Variants in LRP1B observed in about 807,000 individuals in gnomAD.
LRP1B encodes LDL receptor related protein 1B, also known as low-density lipoprotein receptor-related protein 1B.
In LRP1B, 217 loss-of-function variants were observed where a neutral mutation model predicts 556.6. That is an observed-to-expected ratio of 0.39 (90% CI 0.35 to 0.44). The LOEUF is 0.44. LRP1B is among the 20% of genes least tolerant of loss of function. The probability of loss-of-function intolerance (pLI) is 1.00; values close to 1 mark genes in which losing one functional copy is unlikely to be tolerated. For missense variants in LRP1B, 5,053 were observed against 5,620.8 expected, an observed-to-expected ratio of 0.90 and a Z score of 3.23; for synonymous variants, 2,047 against 1,865.8, an observed-to-expected ratio of 1.10 and a Z score of -2.50.
In LRP1B at chr2:140,541,761, C is replaced by T. The variant is rs1409574153; in HGVS notation, c.7387+18G>A. ...ATTATACAATGAAAAAACACATTTG[C>T]TTTCTATTATAACTTACAGCTATTG... On this transcript the variant is annotated intron_variant, in intron 44 of 90. Coordinates refer to ENST00000389484, the MANE Select transcript of LRP1B (RefSeq NM_018557.3). The T allele has an allele frequency of 6.4e-7, 1 of 1,568,810 alleles. No homozygotes were observed. Among genetic ancestry groups the T allele is most frequent in the Non-Finnish European group, 8.7e-7 (1 of 1,146,962 alleles).
intron 3 of LRP1B, among the ~76,000 whole-genome samples, chr2:141,337,847 CTT>C (rs1687903213): frequency 6.6e-6 from 1 of 152,116 alleles, no homozygotes; most frequent in Non-Finnish European, 1.5e-5. Context: ...CATCTAAAGT[CTT>C]TGACAAATAA....
intron 2 of LRP1B, among the ~76,000 whole-genome samples, chr2:141,692,579 T>A (rs1353001473): frequency 1.3e-5 from 2 of 152,010 alleles, no homozygotes; most frequent in East Asian, 3.9e-4. Flanking sequence ...GCCCCTGTTC[T>A]TAACCTACCG....
intron 1 of LRP1B, among the ~76,000 whole-genome samples, chr2:142,057,391 A>G (rs532699940): frequency 6.6e-6 from 1 of 152,264 alleles, no homozygotes; most frequent in South Asian, 2.1e-4. Context: ...GGCAATGGAA[A>G]TGCAAACTCT....
intron 84 of LRP1B, among the ~76,000 whole-genome samples, chr2:140,293,529 A>G (rs901371347): frequency 3.0e-4 from 46 of 152,166 alleles, no homozygotes; most frequent in African/African-American, 1.1e-3. Context: ...ACTCAGCACA[A>G]CTAAGAGCTG....
chr2:141,478,321 G>A (rs965427630), intron 3 of LRP1B, among the ~76,000 whole-genome samples: 2 of 152,076 alleles, frequency 1.3e-5, no homozygotes, highest in Non-Finnish European at 2.9e-5. Context: ...GAAATATTTG[G>A]AAAGGTGATG....
chr2:141,738,515 T>C (rs1693577326), intron 2 of LRP1B, among the ~76,000 whole-genome samples: 1 of 152,152 alleles, frequency 6.6e-6, no homozygotes, highest in Non-Finnish European at 1.5e-5. Context: ...GTAGGATACA[T>C]TGGCCCCGTG....
intron 1 of LRP1B, among the ~76,000 whole-genome samples, chr2:142,038,240 G>A (rs1703952361): frequency 6.6e-6 from 1 of 151,508 alleles, no homozygotes; most frequent in Non-Finnish European, 1.5e-5. Flanking sequence ...TGTTGGCATC[G>A]GTTTTAAATG....
intron 66 of LRP1B, among the ~76,000 whole-genome samples, chr2:140,402,658 G>T (rs1313816163): frequency 6.6e-6 from 1 of 152,132 alleles, no homozygotes; most frequent in Non-Finnish European, 1.5e-5. Context: ...AGCTTAGGTG[G>T]TCCCCACCCT....
chr2:140,897,234 G>T (rs999991047), intron 23 of LRP1B, among the ~76,000 whole-genome samples: 1 of 152,078 alleles, frequency 6.6e-6, no homozygotes, highest in African/African-American at 2.4e-5. Flanking sequence ...TTTTGTTGGG[G>T]CTCAGAAAAC....
At chr2:141,155,663 T>A (rs1702048697) in intron 7 of LRP1B, among the ~76,000 whole-genome samples, 1 of 151,952 alleles carries the variant, frequency 6.6e-6, no homozygotes, top group African/African-American at 2.4e-5. Flanking sequence ...AAAAATTGGA[T>A]TTGCAGCTGC....
intron 7 of LRP1B, among the ~76,000 whole-genome samples, chr2:141,065,422 T>G (rs1186058098): frequency 6.6e-6 from 1 of 152,008 alleles, no homozygotes; most frequent in Non-Finnish European, 1.5e-5. Context: ...AAAAAATTTC[T>G]GATTCAGAAT....
At chr2:140,543,652 C>A (rs6430914) in intron 43 of LRP1B, among the ~76,000 whole-genome samples, 73,549 of 151,388 alleles carry the variant, frequency 0.49, 18,296 homozygotes, top group East Asian at 0.61. Context: ...ATTATCCTGG[C>A]GTTTCTAACT....
intron 83 of LRP1B, among the ~76,000 whole-genome samples, chr2:140,308,275 C>T (rs990138273): frequency 1.3e-5 from 2 of 151,636 alleles, no homozygotes; most frequent in Admixed American, 1.3e-4. Flanking sequence ...AATTTAATGA[C>T]TATTTAATGT....
intron 1 of LRP1B, among the ~76,000 whole-genome samples, chr2:141,873,777 G>A (rs1698667357): frequency 6.6e-6 from 1 of 151,318 alleles, no homozygotes; most frequent in Non-Finnish European, 1.5e-5. Flanking sequence ...CTGCTTAGTG[G>A]CTGGTAGGAA....
In LRP1B at chr2:140,231,605, A is replaced by C. The variant is rs1680471285; in HGVS notation, c.*1581T>G. On this transcript the variant is annotated 3_prime_UTR_variant, in exon 91 of 91. Coordinates refer to ENST00000389484, the MANE Select transcript of LRP1B (RefSeq NM_018557.3). ...GTTTATGATATGCATAACATTGTTC[A>C]AGCAAAATTGCACTAGTATTACATA... 6.6e-6 allele frequency: 1 copy of C among 151,876 alleles called. No homozygotes were observed. Among genetic ancestry groups the C allele is most frequent in the South Asian group, 2.1e-4 (1 of 4,822 alleles). 9.4% of individuals were successfully genotyped at this position (151,876 alleles called of 1,614,324 possible). A position where few individuals can be genotyped will look rare whatever the true frequency, so the allele number is the denominator to read the frequency against.
chr2:140,281,726 T>C (rs552422199), intron 84 of LRP1B, among the ~76,000 whole-genome samples: 1 of 151,932 alleles, frequency 6.6e-6, no homozygotes, highest in South Asian at 2.1e-4. Flanking sequence ...GGAATTACCA[T>C]CACAAAGACT....
chr2:140,485,259 A>C (rs1030535627), intron 59 of LRP1B, 84 bp downstream of exon 59: 84 of 993,650 alleles, frequency 8.5e-5, no homozygotes, highest in Non-Finnish European at 1.1e-4. Flanking sequence ...TTGGATTTCC[A>C]TGTTAATGAT....
intron 3 of LRP1B, among the ~76,000 whole-genome samples, chr2:141,442,241 A>G (rs1167477911): frequency 6.6e-6 from 1 of 152,190 alleles, no homozygotes; most frequent in African/African-American, 2.4e-5. Flanking sequence ...TGTATTTCAT[A>G]AATACAACAA....
chr2:141,250,737 C>T (rs556487465), intron 4 of LRP1B, among the ~76,000 whole-genome samples: 1 of 152,196 alleles, frequency 6.6e-6, no homozygotes, highest in Non-Finnish European at 1.5e-5. Flanking sequence ...TTAACCCATG[C>T]AGTCTACGCT....
Sources: gnomAD v4.1 joint callset for allele counts (sites outside exome capture counted in the v4.1 genomes callset) on GRCh38, gnomAD v4.1.1 for gene constraint, MANE v1.5 for transcripts, NCBI Gene and HGNC (gene_info 2026-07-23, HGNC 2026-07-21) for gene names.